Variants in PACRGL observed in about 807,000 individuals in gnomAD.
PACRGL encodes the protein parkin coregulated like, also known as PACRG-like protein.
In PACRGL, 38 loss-of-function variants were observed where a neutral mutation model predicts 34.5. That is an observed-to-expected ratio of 1.10 (90% CI 0.85 to 1.44). The LOEUF is 1.44. PACRGL is among the 40% of genes most tolerant of loss of function. PACRGL has a pLI of 0.00. For synonymous variants in PACRGL, 128 were observed against 100.1 expected (o/e 1.28, Z -1.66); for missense variants, 305 against 281.4 (o/e 1.08, Z -0.60).
intron 4 of PACRGL, among the ~76,000 whole-genome samples, chr4:20,708,162 G>A (rs1041554911): frequency 3.3e-5 from 5 of 152,096 alleles, no homozygotes; most frequent in Non-Finnish European, 7.4e-5. Context: ...GCTTGGGCAA[G>A]TTGCAAATTA....
chr4:20,743,514 TG>T (rs1751677643), intron 8 of PACRGL, among the ~76,000 whole-genome samples: 1 of 152,088 alleles, frequency 6.6e-6, no homozygotes, highest in Admixed American at 6.6e-5. Flanking sequence ...AAACAAGCAA[TG>T]GGGAAAGGAT....
intron 7 of PACRGL, chr4:20,716,124 G>A (rs756832473): frequency 2.0e-6 from 3 of 1,521,438 alleles, no homozygotes; most frequent in South Asian, 2.4e-5. Context: ...TGCAGCTCAT[G>A]AGGTTCCCAA....
In PACRGL at chr4:20,728,414, A is replaced by G. The variant is rs1269514708; in HGVS notation, c.*1073A>G. 1.3e-5 allele frequency: 2 copies of G among 152,208 alleles called. No individual in the cohort carries two copies. Among genetic ancestry groups the G allele is most frequent in the East Asian group, 3.8e-4 (2 of 5,196 alleles). 9.4% of individuals were successfully genotyped at this position (152,208 alleles called of 1,614,324 possible). ...ATTTTTAAGAAGCTTTTAAAATATA[A>G]TATAGACATAGTTCAGAATTTTGAT... On this transcript the variant is annotated 3_prime_UTR_variant, in exon 9 of 9. Coordinates refer to ENST00000503585, the MANE Select transcript of PACRGL (RefSeq NM_001258345.3).
chr4:20,756,863 A>C (rs1435500631), downstream of PACRGL, among the ~76,000 whole-genome samples: 2 of 151,098 alleles, frequency 1.3e-5, no homozygotes, highest in East Asian at 2.0e-4. Flanking sequence ...GGTTCTTGAC[A>C]TGTGTTCTGG....
At position 20,729,073 on chromosome 4, in the gene PACRGL, C is replaced by CTGT. The variant is rs1560388503; in HGVS notation, c.*1734_*1736dup. 1 of 148,824 alleles carries CTGT rather than the reference C, an allele frequency of 6.7e-6. No homozygotes were observed. Among genetic ancestry groups the CTGT allele is most frequent in the African/African-American group, 2.5e-5 (1 of 39,886 alleles). 9.2% of individuals were successfully genotyped at this position (148,824 alleles called of 1,614,324 possible). ...GAATTTTGCTTGCTAATTTTGCTTG[C>CTGT]TGTTTGTTCTTAGTAGACAGTGGGG... On this transcript the variant is annotated 3_prime_UTR_variant, in exon 9 of 9. Coordinates refer to ENST00000503585, the MANE Select transcript of PACRGL (RefSeq NM_001258345.3).
chr4:20,738,036 A>G (rs545659270), intron 8 of PACRGL, among the ~76,000 whole-genome samples: 1 of 151,886 alleles, frequency 6.6e-6, no homozygotes, highest in Non-Finnish European at 1.5e-5. Context: ...GGAGGCTGAG[A>G]TGGGAATCAC....
intron 8 of PACRGL, among the ~76,000 whole-genome samples, chr4:20,745,547 A>G (rs995747085): frequency 3.3e-5 from 5 of 152,194 alleles, no homozygotes; most frequent in Non-Finnish European, 7.3e-5. Context: ...CTCAATGAGT[A>G]CTTTGCACAA....
chr4:20,731,957 T>C lies in PACRGL; in HGVS notation c.*4616T>C. On this transcript the variant is annotated 3_prime_UTR_variant, in exon 9 of 9. Transcript: ENST00000503585. Reference sequence around the variant, plus strand: ...GGTAGCTAGCTGCTAATACTCAGTTTAGCTGTTATGATAGCTGAATTGATA... The same window carrying C: ...GGTAGCTAGCTGCTAATACTCAGTTCAGCTGTTATGATAGCTGAATTGATA... 1 of 1,609,110 alleles carries C rather than the reference T, an allele frequency of 6.2e-7. No individual in the cohort carries two copies. Among genetic ancestry groups the C allele is most frequent in the Non-Finnish European group, 8.5e-7 (1 of 1,178,128 alleles).
chr4:20,712,731 C>T (rs1046655192), intron 5 of PACRGL, 57 bp from the exon 6 acceptor site: 1 of 1,324,616 alleles, frequency 7.5e-7, no homozygotes, highest in Admixed American at 3.0e-5. Flanking sequence ...CTCAATTTTT[C>T]TGTTATTAGC....
intron 8 of PACRGL, among the ~76,000 whole-genome samples, chr4:20,737,792 T>C (rs1415048297): frequency 6.6e-6 from 1 of 152,200 alleles, no homozygotes; most frequent in Non-Finnish European, 1.5e-5. Flanking sequence ...GAATGTAGTT[T>C]AGTTAAAAGG....
upstream of PACRGL, among the ~76,000 whole-genome samples, chr4:20,697,519 G>T (rs575911003): frequency 1.3e-5 from 2 of 152,262 alleles, no homozygotes; most frequent in East Asian, 3.9e-4. Context: ...GCAATTTGAA[G>T]AAATTTTATT....
At chr4:20,700,434 CA>C (rs1731633979), upstream of PACRGL, 1 of 152,212 alleles carries the variant, frequency 6.6e-6, no homozygotes, top group African/African-American at 2.4e-5. Context: ...CGACCAGGTT[CA>C]GGGGCGGGCC....
chr4:20,743,852 A>G (rs1197725406), intron 8 of PACRGL, among the ~76,000 whole-genome samples: 3 of 152,160 alleles, frequency 2.0e-5, no homozygotes, highest in Non-Finnish European at 2.9e-5. Flanking sequence ...AATGGGAGAA[A>G]ATTTTCGCAA....
chr4:20,719,559 C>T lies in PACRGL; in HGVS notation c.610-5249C>T, dbSNP rs912567422. 4.0e-4 allele frequency among the ~76,000 whole-genome samples: 61 copies of T among 152,200 alleles called. 1 individual carries two copies. Among genetic ancestry groups the T allele is most frequent in the Non-Finnish European group, 7.9e-4 (54 of 68,044 alleles). On this transcript the variant is annotated intron_variant, in intron 7 of 8. Transcript: ENST00000503585. ...TGTTCTCATTGGTTTCAAAGAACAT[C>T]TTTATTTCTGCCTTCATTTCATTAT...
At chr4:20,713,155 A>G in intron 6 of PACRGL, 1 of 545,046 alleles carries the variant, frequency 1.8e-6, no homozygotes, top group Non-Finnish European at 3.1e-6. Context: ...CATTTTAAGT[A>G]ATTAGAGGAA....
chr4:20,757,444 G>A (rs529120434), downstream of PACRGL, among the ~76,000 whole-genome samples: 5 of 152,142 alleles, frequency 3.3e-5, 1 homozygote, highest in South Asian at 1.0e-3. Flanking sequence ...CTTATCAGTG[G>A]CTTTGCATCA....
chr4:20,727,261 T>C (rs868306455), intron 8 of PACRGL, 24 bp from the exon 9 acceptor site: 2 of 1,587,992 alleles, frequency 1.3e-6, no homozygotes, highest in Middle Eastern at 3.3e-4. Flanking sequence ...ATACTAATGA[T>C]GCTCAATTTT....
the PACRGL span, chr4:20,766,867 C>G: frequency 1.3e-5 from 2 of 152,086 alleles, no homozygotes; most frequent in Non-Finnish European, 2.9e-5. Flanking sequence ...CTGGGTTGAA[C>G]CCCTACTCTG....
chr4:20,743,069 A>G (rs1751552829), intron 8 of PACRGL, among the ~76,000 whole-genome samples: 1 of 151,892 alleles, frequency 6.6e-6, no homozygotes, highest in Non-Finnish European at 1.5e-5. Context: ...GGACCCTTAT[A>G]AGTTCACCCT....
Sources: allele counts gnomAD v4.1 joint callset (sites outside exome capture counted in the v4.1 genomes callset), GRCh38; gene constraint gnomAD v4.1.1; transcripts MANE v1.5; gene names NCBI Gene and HGNC (gene_info 2026-07-23, HGNC 2026-07-21).